Variants in UBR3 observed in about 807,000 individuals in gnomAD.
UBR3 encodes the protein ubiquitin protein ligase E3 component n-recognin 3.
Under a neutral mutation model 243.2 loss-of-function variants are expected in UBR3, and 85 were observed. That is an observed-to-expected ratio of 0.35 (90% CI 0.29 to 0.42). The LOEUF (loss-of-function observed/expected upper bound fraction) is 0.42, where lower values mean the gene tolerates loss of function less well. Among genes scored for constraint, UBR3 ranks in the 10% least tolerant of loss-of-function variants. UBR3 has a pLI of 1.00. For synonymous variants in UBR3, 748 were observed against 799.8 expected, an observed-to-expected ratio of 0.94 and a Z score of 1.09; for missense variants, 1,686 against 2,300.8, an observed-to-expected ratio of 0.73 and a Z score of 5.47.
chr2:170,008,959 T>C lies in UBR3; in HGVS notation c.4367+19T>C. The C allele has an allele frequency of 4.1e-6, 6 of 1,455,020 alleles. No homozygotes were observed. Among genetic ancestry groups the C allele is most frequent in the Non-Finnish European group, 5.5e-6 (6 of 1,093,680 alleles). 90.1% of individuals were successfully genotyped at this position (1,455,020 alleles called of 1,614,324 possible). ...TTGCTAGGTAGGTATATATAGTGTA[T>C]ACTTTTTAGTTTACTTACTATTAAT... On this transcript the variant is annotated intron_variant, in intron 29 of 38. Coordinates refer to ENST00000272793, the MANE Select transcript of UBR3 (RefSeq NM_172070.4).
intron 37 of UBR3, 88 bp from the exon 38 acceptor site, chr2:170,080,457 T>C (rs2091888223): frequency 8.1e-7 from 1 of 1,239,118 alleles, no homozygotes; most frequent in Non-Finnish European, 1.1e-6. Flanking sequence ...TAAATCACTG[T>C]ATTATTTAGA....
rs202027743 is a variant in UBR3 at position 170,032,577 on chromosome 2, T to A, written c.4556+3129T>A. Among the ~76,000 whole-genome samples the A allele has an allele frequency of 2.6e-5, 3 of 113,940 alleles. No individual in the cohort carries two copies. In the East Asian group the frequency reaches 7.5e-4, roughly 29 times the overall value. The allele number at this position is 113,940 out of a possible 152,430, so 74.7% of individuals were successfully genotyped here. On this transcript the variant is annotated intron_variant, in intron 31 of 38. Transcript: ENST00000272793. ...AGTTTTTCTTTGTGCTTGATGACAT[T>A]CACTTTTTTTTTTTTTTTTTTTTTT...
intron 19 of UBR3, among the ~76,000 whole-genome samples, chr2:169,939,079 T>A (rs2086463909): frequency 1.3e-5 from 2 of 152,128 alleles, no homozygotes; most frequent in South Asian, 4.1e-4. Context: ...ATTAAAAAAA[T>A]CTTCCTTGTG....
At chr2:170,004,094 A>T (rs1283468188) in intron 27 of UBR3, among the ~76,000 whole-genome samples, 2 of 152,146 alleles carry the variant, frequency 1.3e-5, no homozygotes, top group Non-Finnish European at 2.9e-5. Flanking sequence ...GCCATTAAAG[A>T]CTCTTAAGCA....
chr2:169,920,358 C>T (rs547293212), intron 11 of UBR3, among the ~76,000 whole-genome samples: 1 of 152,048 alleles, frequency 6.6e-6, no homozygotes, highest in East Asian at 1.9e-4. Context: ...GGAGATATAC[C>T]TAATGTTAAA....
intron 14 of UBR3, among the ~76,000 whole-genome samples, chr2:169,925,979 G>C (rs915611866): frequency 2.0e-5 from 3 of 151,934 alleles, no homozygotes; most frequent in African/African-American, 4.8e-5. Flanking sequence ...GCCTAGGCCA[G>C]AGCCTTTATT....
intron 36 of UBR3, chr2:170,078,415 G>A (rs139188436): frequency 4.5e-6 from 1 of 224,286 alleles, no homozygotes; most frequent in Non-Finnish European, 8.7e-6. Context: ...GTGTAATCAT[G>A]AGAGGTGTTA....
chr2:169,949,552 T>G, intron 22 of UBR3, 53 bp from the exon 23 acceptor site: 1 of 1,416,446 alleles, frequency 7.1e-7, no homozygotes, highest in African/African-American at 1.4e-5. Context: ...GTTTTTAAAA[T>G]GATGCTAAAT....
chr2:169,979,910 T>G (rs1272355403), intron 24 of UBR3, among the ~76,000 whole-genome samples: 1 of 152,114 alleles, frequency 6.6e-6, no homozygotes, highest in East Asian at 1.9e-4. Flanking sequence ...GGAGTTGGGG[T>G]GATCCCAGGA....
intron 1 of UBR3, among the ~76,000 whole-genome samples, chr2:169,850,394 G>A (rs114644345): frequency 0.022 from 3,339 of 152,188 alleles, 52 homozygotes; most frequent in Non-Finnish European, 0.031. Flanking sequence ...GGCCAGGCTG[G>A]TCTTGAACTC....
At chr2:170,056,930 T>C (rs945735395) in intron 33 of UBR3, among the ~76,000 whole-genome samples, 2 of 152,180 alleles carry the variant, frequency 1.3e-5, no homozygotes, top group Non-Finnish European at 2.9e-5. Context: ...AACATAACTG[T>C]CTAAGCCTCA....
Position 170,040,919 on chromosome 2 carries a change from C to T in UBR3, c.4594C>T (p.Leu1532Phe), listed in dbSNP as rs1363536246. The stretch of plus-strand genomic sequence containing the variant: ...AGAACAACAGCCTGAGGTTCCAATT[C>T]TTTATCATGATGTAACATCCCTTTT... ...YEEQQPEVPILYHDVTSLLLI... is the reference protein window; with the variant it reads ...YEEQQPEVPIFYHDVTSLLLI... The change falls in exon 32 of 39, where the codon CTT becomes TTT. Residue 1532 changes from leucine to phenylalanine, a missense_variant. Transcript: ENST00000272793. 1 of 1,613,514 alleles carries T rather than the reference C, an allele frequency of 6.2e-7. No individual in the cohort carries two copies.
chr2:169,896,415 A>G (rs952991852), intron 7 of UBR3, 92 bp from the exon 8 acceptor site: 33 of 730,396 alleles, frequency 4.5e-5, no homozygotes, highest in Non-Finnish European at 6.2e-5. Flanking sequence ...AATTAGTAAT[A>G]GCTGTAAAAT....
chr2:169,988,120 C>T (rs1249454352), intron 25 of UBR3, among the ~76,000 whole-genome samples: 1 of 152,204 alleles, frequency 6.6e-6, no homozygotes, highest in African/African-American at 2.4e-5. Context: ...GTATTAACTA[C>T]TTTTACAGCT....
intron 35 of UBR3, among the ~76,000 whole-genome samples, chr2:170,065,060 C>T (rs1171352966): frequency 6.6e-6 from 1 of 151,844 alleles, no homozygotes; most frequent in African/African-American, 2.4e-5. Context: ...CCAGGCCGGT[C>T]TCGAACTCTG....
intron 32 of UBR3, 84 bp from the exon 33 acceptor site, chr2:170,055,376 C>T (rs1195464336): frequency 2.0e-6 from 3 of 1,480,582 alleles, no homozygotes; most frequent in African/African-American, 2.8e-5. Context: ...ATTACATATG[C>T]AAGGAAAGGC....
intron 5 of UBR3, among the ~76,000 whole-genome samples, chr2:169,883,730 C>T (rs1157847178): frequency 6.6e-6 from 1 of 152,130 alleles, no homozygotes; most frequent in Non-Finnish European, 1.5e-5. Flanking sequence ...GCCATTTTAG[C>T]CAGTAATGGC....
At chr2:169,867,231 ATGTTTTTCTTCTTATATATATTAACATT>A (rs1217088855) in intron 1 of UBR3, among the ~76,000 whole-genome samples, 1 of 152,128 alleles carries the variant, frequency 6.6e-6, no homozygotes, top group Admixed American at 6.6e-5. Flanking sequence ...ATTTCTGAAA[ATGTTTTTCTTCTTATATATATTAACATT>A]TGTTTCCCTT....
At chr2:169,890,413 A>G (rs1294940917) in intron 5 of UBR3, among the ~76,000 whole-genome samples, 3 of 151,304 alleles carry the variant, frequency 2.0e-5, no homozygotes, top group African/African-American at 7.3e-5. Flanking sequence ...CCAGGTACCA[A>G]TTACTGCTTT....
Sources: allele counts gnomAD v4.1 joint callset (sites outside exome capture counted in the v4.1 genomes callset), GRCh38; gene constraint gnomAD v4.1.1; transcripts MANE v1.5; gene names NCBI Gene and HGNC (gene_info 2026-07-23, HGNC 2026-07-21).